Variants in GPR132 observed in about 807,000 individuals in gnomAD.
GPR132 encodes probable G protein-coupled receptor 132.
In GPR132, 4 loss-of-function variants were observed where a neutral mutation model predicts 1.9. The observed-to-expected ratio is 2.13, with a 90% CI of 1.05 to 4.87. The LOEUF is 4.87. GPR132 is among the 30% of genes most tolerant of loss of function. The pLI, the probability that GPR132 is intolerant of heterozygous loss-of-function variation, is 0.01. For synonymous variants in GPR132, 233 were observed against 234.2 expected, an observed-to-expected ratio of 0.99 and a Z score of 0.05; for missense variants, 404 against 512.5, an observed-to-expected ratio of 0.79 and a Z score of 2.04.
Position 105,055,688 on chromosome 14 carries a change from G to A in GPR132, c.-268C>T, listed in dbSNP as rs1037504714. 3.9e-6 allele frequency: 2 copies of A among 512,474 alleles called. No homozygotes were observed. The highest frequency in any genetic ancestry group is 7.0e-6 in the Non-Finnish European group (2 of 287,222). 31.7% of individuals were successfully genotyped at this position (512,474 alleles called of 1,614,324 possible). On this transcript the variant is annotated 5_prime_UTR_variant, in exon 3 of 4. Transcript: ENST00000329797. The surrounding 1 kb of genome is among the most constrained non-coding windows in gnomAD (Gnocchi z 4.7). Reference sequence around the variant, plus strand: ...TCCCTCCTGTTGCAGCGTGTGCCAGGATTTCCCTTCCTTTCAAAGGCGGGA... The same window carrying A: ...TCCCTCCTGTTGCAGCGTGTGCCAGAATTTCCCTTCCTTTCAAAGGCGGGA...
chr14:105,053,354 T>G (rs989881784), intron 3 of GPR132, among the ~76,000 whole-genome samples: 1 of 152,004 alleles, frequency 6.6e-6, no homozygotes, highest in Non-Finnish European at 1.5e-5. Context: ...GAGATGGGGT[T>G]TCTCCATGTT....
At chr14:105,058,377 C>T (rs953987609) in intron 1 of GPR132, among the ~76,000 whole-genome samples, 8 of 152,088 alleles carry the variant, frequency 5.3e-5, no homozygotes, top group Non-Finnish European at 8.8e-5. Flanking sequence ...AAGAAAAGCT[C>T]CTAAAATCTG....
Position 105,055,242 on chromosome 14 carries a change from C to G in GPR132, c.34+145G>C, listed in dbSNP as rs1886758438. 4.1e-6 allele frequency: 3 copies of G among 723,058 alleles called. No individual in the cohort carries two copies. The highest frequency in any genetic ancestry group is 7.8e-6 in the Non-Finnish European group (3 of 384,880). The allele number at this position is 723,058 out of a possible 1,614,324, so 44.8% of individuals were successfully genotyped here. On this transcript the variant is annotated intron_variant, in intron 3 of 3. Coordinates refer to ENST00000329797, the MANE Select transcript of GPR132 (RefSeq NM_013345.4). The surrounding 1 kb of genome is among the most constrained non-coding windows in gnomAD (Gnocchi z 4.7). ...CTTGGGAGGCTGATGCAGGAGAATC[C>G]CTTGAACCTGGGAGGCAGAAGCTGC...
At chr14:105,057,518 T>A (rs1042090522) in intron 1 of GPR132, 1 of 217,418 alleles carries the variant, frequency 4.6e-6, no homozygotes, top group Non-Finnish European at 8.9e-6. Flanking sequence ...ATTCTTTTTT[T>A]TTTTTTTTTT....
intron 3 of GPR132, among the ~76,000 whole-genome samples, chr14:105,054,782 G>C (rs989545242): frequency 6.8e-6 from 1 of 147,726 alleles, no homozygotes; most frequent in Non-Finnish European, 1.5e-5. Context: ...GCTCACGCCT[G>C]TAATCCCAGC....
chr14:105,056,018 T>C lies in GPR132; in HGVS notation c.-598A>G. The C allele has an allele frequency of 2.7e-6, 1 of 372,126 alleles. No individual in the cohort carries two copies. The highest frequency in any genetic ancestry group is 3.7e-6 in the Non-Finnish European group (1 of 268,938). The allele number at this position is 372,126 out of a possible 1,614,324, so 23.1% of individuals were successfully genotyped here. On this transcript the variant is annotated 5_prime_UTR_variant, in exon 3 of 4. The change abolishes an upstream ATG in the 5' untranslated region. Coordinates refer to ENST00000329797, the MANE Select transcript of GPR132 (RefSeq NM_013345.4). The surrounding 1 kb of genome is among the most constrained non-coding windows in gnomAD (Gnocchi z 6.0). ...TGGATCTCACGGCAGTTCCGTCTCA[T>C]CTCGTGGGGTGCCTCCGCGCTGTTC...
Position 105,054,460 on chromosome 14 carries a change from A to G in GPR132, c.34+927T>C, listed in dbSNP as rs1293484402. The G allele has an allele frequency of 9.4e-6, 9 of 957,348 alleles. No homozygotes were observed. In the East Asian group the frequency reaches 3.5e-4, roughly 38 times the overall value. 59.3% of individuals were successfully genotyped at this position (957,348 alleles called of 1,614,324 possible). On this transcript the variant is annotated intron_variant, in intron 3 of 3. Coordinates refer to ENST00000329797, the MANE Select transcript of GPR132 (RefSeq NM_013345.4). ...TTTTTTTGAGACGTAGTCTCAAAAA[A>G]CTGTGTTGATGCCCAGGCTGGAGTG...
Position 105,055,790 on chromosome 14 carries a change from C to T in GPR132, c.-370G>A, listed in dbSNP as rs1022456515. 5 of 242,884 alleles carry T rather than the reference C, an allele frequency of 2.1e-5. No homozygotes were observed. Among genetic ancestry groups the T allele is most frequent in the African/African-American group, 4.4e-5 (2 of 45,186 alleles). The allele number at this position is 242,884 out of a possible 1,614,324, so 15.0% of individuals were successfully genotyped here. On this transcript the variant is annotated 5_prime_UTR_variant, in exon 3 of 4. Transcript: ENST00000329797. This position sits in a 1 kb window ranked among gnomAD's most constrained non-coding sequence, Gnocchi z 4.7. ...ATATATATATATATTCCACTGTGCC[C>T]TTCCATCTTGAGCAATCCTGCACGT...
chr14:105,060,542 C>T lies in GPR132; in HGVS notation c.-860-3262G>A, dbSNP rs534362568. Reference sequence around the variant, plus strand: ...CTGGTGTCTACTCCGATTCTGCAGCCGCCCCCTCCCCACCTTTCAAATTCT... The same window carrying T: ...CTGGTGTCTACTCCGATTCTGCAGCTGCCCCCTCCCCACCTTTCAAATTCT... On this transcript the variant is annotated intron_variant, in intron 1 of 3. Coordinates refer to ENST00000329797, the MANE Select transcript of GPR132 (RefSeq NM_013345.4). The surrounding 1 kb of genome is among the most constrained non-coding windows in gnomAD (Gnocchi z 6.3). Among the ~76,000 whole-genome samples the T allele has an allele frequency of 6.6e-6, 1 of 152,308 alleles. No homozygotes were observed. Among genetic ancestry groups the T allele is most frequent in the Non-Finnish European group, 1.5e-5 (1 of 68,024 alleles).
At chr14:105,054,623 G>T (rs1241645160) in intron 3 of GPR132, among the ~76,000 whole-genome samples, 1 of 151,200 alleles carries the variant, frequency 6.6e-6, no homozygotes, top group African/African-American at 2.4e-5. Flanking sequence ...TAGAGACAAG[G>T]TTTCACCAGG....
At chr14:105,061,572 G>A (rs1393005627) in intron 1 of GPR132, among the ~76,000 whole-genome samples, 3 of 152,180 alleles carry the variant, frequency 2.0e-5, no homozygotes, top group Non-Finnish European at 2.9e-5. Flanking sequence ...AGAAAGGGGC[G>A]TGGGGTACAG....
At chr14:105,058,161 G>C (rs1474691263) in intron 1 of GPR132, 1 of 152,234 alleles carries the variant, frequency 6.6e-6, no homozygotes, top group Non-Finnish European at 1.5e-5. Flanking sequence ...TGGAGTCCAG[G>C]AGTTCAAGAC....
At chr14:105,061,843 T>G (rs1292936206) in intron 1 of GPR132, among the ~76,000 whole-genome samples, 1 of 151,708 alleles carries the variant, frequency 6.6e-6, no homozygotes, top group Non-Finnish European at 1.5e-5. Context: ...AGCTGTGGGG[T>G]GGGTGGGAGT....
Position 105,051,126 on chromosome 14 carries a change from C to A in GPR132, c.1011G>T (p.Arg337Ser), listed in dbSNP as rs1194206915. ...CCTCGGTGTCCCTGCTGTGGGTGAG[C>A]CTGGTGACGTCTGTCTTCATGGACC... Reference protein sequence around the residue: ...KEWSMKTDVTRLTHSRDTEEL... With the variant: ...KEWSMKTDVTSLTHSRDTEEL... Residue 337 changes from arginine (R) to serine (S), a missense_variant, in exon 4 of 4, where the codon AGG (arginine) becomes AGT (serine). Coordinates refer to ENST00000329797, the MANE Select transcript of GPR132 (RefSeq NM_013345.4). The surrounding 1 kb of genome is among the most constrained non-coding windows in gnomAD (Gnocchi z 8.0). 6 of 1,614,184 alleles carry A rather than the reference C, an allele frequency of 3.7e-6. 1 individual carries two copies. Among genetic ancestry groups the A allele is most frequent in the Non-Finnish European group, 5.1e-6 (6 of 1,180,040 alleles).
At chr14:105,064,816 C>A (rs371108863) in intron 1 of GPR132, among the ~76,000 whole-genome samples, 5 of 152,276 alleles carry the variant, frequency 3.3e-5, no homozygotes, top group African/African-American at 1.2e-4. Context: ...CCCGCTGTGC[C>A]TGGTGCGCCG....
rs148545677 is a variant in GPR132 at position 105,056,736 on chromosome 14, C to T, written c.-747+431G>A. 6.7e-3 allele frequency among the ~76,000 whole-genome samples: 1,019 copies of T among 152,348 alleles called. 11 individuals carry two copies. The highest frequency in any genetic ancestry group is 0.023 in the African/African-American group (964 of 41,574). ...CCCATCTGGTGAGGAGGCTGTCCCC[C>T]GCTCCCCCGCCTCCTGCCACAAGTG... On this transcript the variant is annotated intron_variant, in intron 2 of 3. Transcript: ENST00000329797. This position sits in a 1 kb window ranked among gnomAD's most constrained non-coding sequence, Gnocchi z 6.0.
rs567331450 is a variant in GPR132 at position 105,063,140 on chromosome 14, C to T, written c.-861+2239G>A. On this transcript the variant is annotated intron_variant, in intron 1 of 3. Transcript: ENST00000329797. ...TTCCCTATGTTACCCAGGCTGGTCT[C>T]GAGCTCCTGGGCTCAAGAAATCCGC... 3.3e-5 allele frequency among the ~76,000 whole-genome samples: 5 copies of T among 152,042 alleles called. No individual in the cohort carries two copies. The East Asian group carries it at 9.7e-4, about 30-fold the overall frequency.
At chr14:105,057,613 C>T (rs771693980) in intron 1 of GPR132, 33 of 154,048 alleles carry the variant, frequency 2.1e-4, no homozygotes, top group Non-Finnish European at 2.5e-4. Flanking sequence ...CTCTGCCTCC[C>T]GGGTTCAAAC....
chr14:105,057,487 T>A, intron 1 of GPR132: 1 of 310,726 alleles, frequency 3.2e-6, no homozygotes, highest in Non-Finnish European at 6.0e-6. Flanking sequence ...AACGTCACAT[T>A]AGCCACTGCG....
Sources: allele counts gnomAD v4.1 joint callset (sites outside exome capture counted in the v4.1 genomes callset), GRCh38; gene constraint gnomAD v4.1.1; non-coding constraint Gnocchi (gnomAD v3.1); transcripts MANE v1.5; gene names NCBI Gene and HGNC (gene_info 2026-07-23, HGNC 2026-07-21).